PITRM1: variants seen among roughly 807,000 people sequenced by gnomAD.
PITRM1 encodes the protein pitrilysin metallopeptidase 1, also known as presequence protease, mitochondrial.
A neutral mutation model predicts 129.9 loss-of-function variants in PITRM1; 100 were observed. The observed-to-expected ratio is 0.77, with a 90% CI of 0.65 to 0.91. The LOEUF is 0.91. Among genes scored for constraint, PITRM1 ranks in the 40% least tolerant of loss-of-function variants. PITRM1 has a pLI of 0.00. For missense variants in PITRM1, 1,471 were observed against 1,318.3 expected (o/e 1.12, Z -1.79); for synonymous variants, 591 against 508.8 (o/e 1.16, Z -2.17).
chr10:3,144,325 G>T lies in PITRM1; in HGVS notation c.2499C>A (p.Pro833=). The change falls in exon 22 of 27, where the codon CCC becomes CCA. Residue 833 remains proline, a synonymous_variant. Coordinates refer to ENST00000224949, the MANE Select transcript of PITRM1 (RefSeq NM_014889.4). ...GCTTCCTAATGACCTGGGAGCCATG[G>T]GGAACGTGGGCATCTCCACCAGAGC... The part of the protein sequence containing the change: ...PSSSGGDAHV[P]HGSQVIRKLV... 1 of 1,562,914 alleles carries T rather than the reference G, an allele frequency of 6.4e-7. No homozygotes were observed. The highest frequency in any genetic ancestry group is 8.7e-7 in the Non-Finnish European group (1 of 1,152,352).
At chr10:3,164,442 G>C (rs186526578) in intron 6 of PITRM1, among the ~76,000 whole-genome samples, 4 of 152,268 alleles carry the variant, frequency 2.6e-5, no homozygotes, top group Non-Finnish European at 4.4e-5. Context: ...ATGGTCTCAA[G>C]AATCCTTTAC....
chr10:3,167,055 G>GAA lies in PITRM1; in HGVS notation c.160-15_160-14dup. ...GAACAGATGTCACCTGAGTTAACAA[G>GAA]AAAAACACGACCAGTTAAACTTAGA... On this transcript the variant is annotated splice_polypyrimidine_tract_variant and intron_variant, in intron 2 of 26. Transcript: ENST00000224949. The GAA allele has an allele frequency of 6.6e-7, 1 of 1,513,666 alleles. No individual in the cohort carries two copies. The highest frequency in any genetic ancestry group is 9.1e-7 in the Non-Finnish European group (1 of 1,102,752). 93.8% of individuals were successfully genotyped at this position (1,513,666 alleles called of 1,614,324 possible).
At chr10:3,150,212 G>A (rs1841371301) in intron 15 of PITRM1, among the ~76,000 whole-genome samples, 1 of 152,092 alleles carries the variant, frequency 6.6e-6, no homozygotes, top group Non-Finnish European at 1.5e-5. Flanking sequence ...TGACCTCAAG[G>A]GGAGGGCTGG....
intron 15 of PITRM1, among the ~76,000 whole-genome samples, chr10:3,150,617 G>C (rs1841425728): frequency 6.6e-6 from 1 of 152,126 alleles, no homozygotes; most frequent in Non-Finnish European, 1.5e-5. Context: ...TGTCGCAGGT[G>C]AGGTTACCCC....
intron 18 of PITRM1, 85 bp from the exon 19 acceptor site, chr10:3,147,822 A>G (rs1841061217): frequency 7.4e-7 from 1 of 1,342,534 alleles, no homozygotes; most frequent in Non-Finnish European, 1.0e-6. Context: ...AAGTTTTCAG[A>G]GTACTTTAAC....
In PITRM1 at chr10:3,148,209, C is replaced by A. The variant is rs759961600; in HGVS notation, c.1954G>T (p.Val652Leu). The A allele has an allele frequency of 6.2e-7, 1 of 1,613,968 alleles. No homozygotes were observed. The highest frequency in any genetic ancestry group is 1.1e-5 in the South Asian group (1 of 91,082). Reference sequence around the variant, plus strand: ...TCCATGTGTGAGTCGTCGGGGAGCACGTGGGGAGAAGCACTCATCCCTCCG... The same window carrying A: ...TCCATGTGTGAGTCGTCGGGGAGCAAGTGGGGAGAAGCACTCATCCCTCCG... ...KTGGMSASPH[V>L]LPDDSHMDTY... Residue 652 changes from valine to leucine, a missense_variant, in exon 17 of 27, where the codon GTG becomes TTG. Coordinates refer to ENST00000224949, the MANE Select transcript of PITRM1 (RefSeq NM_014889.4).
intron 24 of PITRM1, 61 bp from the exon 25 acceptor site, chr10:3,139,110 CCT>C (rs1839924292): frequency 4.8e-6 from 7 of 1,447,970 alleles, no homozygotes; most frequent in African/African-American, 1.4e-5. Context: ...TTATGACAAA[CCT>C]CTGTCGACTT....
intron 14 of PITRM1, among the ~76,000 whole-genome samples, chr10:3,153,855 AAAGT>A (rs369525481): frequency 1.3e-5 from 2 of 152,344 alleles, no homozygotes; most frequent in Admixed American, 6.5e-5. Flanking sequence ...TTTAATAGGA[AAAGT>A]AAGTGCATGT....
chr10:3,172,768 C>A lies in PITRM1; in HGVS notation c.5G>T (p.Trp2Leu). Residue 2 changes from tryptophan to leucine, a missense_variant, in exon 1 of 27, where the codon TGG (tryptophan) becomes TTG (leucine). Transcript: ENST00000224949. ...CAGGCCCTGCCGCCCGCCGCAGCGC[C>A]ACATTGCGCATGACGAGCACCTGGC... M[W>L]RCGGRQGLCV... 6.5e-7 allele frequency: 1 copy of A among 1,546,748 alleles called. No homozygotes were observed. Among genetic ancestry groups the A allele is most frequent in the Non-Finnish European group, 8.7e-7 (1 of 1,145,590 alleles).
rs75845189 is a variant in PITRM1 at position 3,152,299 on chromosome 10, G to A, written c.1622-936C>T. 3.5e-4 allele frequency among the ~76,000 whole-genome samples: 54 copies of A among 152,232 alleles called. 1 individual carries two copies. Among genetic ancestry groups the A allele is most frequent in the East Asian group, 3.9e-4 (2 of 5,164 alleles). ...TGAAGCGGCTTCACAGTGCTACACC[G>A]AGCCAAGCAAGTATACAAATGCATG... On this transcript the variant is annotated intron_variant, in intron 14 of 26. Transcript: ENST00000224949.
intron 2 of PITRM1, among the ~76,000 whole-genome samples, chr10:3,168,718 C>T (rs575401215): frequency 1.3e-5 from 2 of 152,188 alleles, no homozygotes; most frequent in Non-Finnish European, 1.5e-5. Flanking sequence ...CCTTCCACCA[C>T]GATTGTGTTT....
Position 3,165,242 on chromosome 10 carries a change from G to A in PITRM1, c.626C>T (p.Ala209Val), listed in dbSNP as rs144796240. The change falls in exon 6 of 27, where the codon GCG becomes GTG. Residue 209 changes from alanine to valine, a missense_variant. Ala to Val is a moderately conservative substitution (Grantham distance 64, BLOSUM62 0). Transcript: ENST00000224949. ...KGVVFNEMKG[A>V]FTDNERIFSQ... ...TAAAAAAGGAAGAAAACTTACAAACGCTCCCTTCATCTCATTAAAGACGAC... is the reference window on the plus strand; with the variant it reads ...TAAAAAAGGAAGAAAACTTACAAACACTCCCTTCATCTCATTAAAGACGAC... The A allele has an allele frequency of 4.9e-5, 77 of 1,557,158 alleles. No individual in the cohort carries two copies. Among genetic ancestry groups the A allele is most frequent in the Middle Eastern group, 1.7e-4 (1 of 5,910 alleles).
Position 3,163,790 on chromosome 10 carries a change from G to A in PITRM1, c.726C>T (p.Ile242=), listed in dbSNP as rs562294149. 37 of 1,613,496 alleles carry A rather than the reference G, an allele frequency of 2.3e-5. No homozygotes were observed. The African/African-American group carries it at 3.7e-4, about 16-fold the overall frequency. ...TAAGCTGCTCCCATGTAAGCTCCGG[G>A]ATGCACAGTGGGTCACCCCCGGAGA... ...SVVSGGDPLC[I]PELTWEQLKQ... Residue 242 remains isoleucine, a synonymous_variant, in exon 7 of 27, where the codon ATC becomes ATT. Transcript: ENST00000224949.
At position 3,165,452 on chromosome 10, in the gene PITRM1, T is replaced by A; in HGVS notation, c.494A>T (p.Asp165Val). The change falls in exon 5 of 27, where the codon GAT becomes GTT. Residue 165 changes from aspartate to valine, a missense_variant. Physicochemically the swap from Asp to Val is radical, Grantham distance 152. Coordinates refer to ENST00000224949, the MANE Select transcript of PITRM1 (RefSeq NM_014889.4). ...GCGTAAACATGGGAAAAAGGTGGCA[T>A]CCAAATACACCGAGAGGAGATTCTG... is the stretch of plus-strand genomic sequence containing the variant. ...DFQNLLSVYL[D>V]ATFFPCLREL... is the part of the protein sequence containing the mutation. 1 of 1,613,550 alleles carries A rather than the reference T, an allele frequency of 6.2e-7. No homozygotes were observed. Among genetic ancestry groups the A allele is most frequent in the South Asian group, 1.1e-5 (1 of 90,920 alleles).
chr10:3,160,540 A>G (rs1289408974), intron 7 of PITRM1, among the ~76,000 whole-genome samples: 1 of 152,040 alleles, frequency 6.6e-6, no homozygotes, highest in East Asian at 1.9e-4. Context: ...ATATTGTTAT[A>G]ATTGTTCTAT....
intron 20 of PITRM1, chr10:3,146,746 T>C (rs1840912403): frequency 6.3e-6 from 1 of 157,946 alleles, no homozygotes; most frequent in East Asian, 1.9e-4. Flanking sequence ...TGCTCACACA[T>C]CTGAGGGCAT....
intron 24 of PITRM1, among the ~76,000 whole-genome samples, chr10:3,139,979 C>A (rs186011552): frequency 6.6e-6 from 1 of 152,232 alleles, no homozygotes; most frequent in African/African-American, 2.4e-5. Flanking sequence ...GAGCTAAGAA[C>A]GCTCTCAGGC....
At chr10:3,146,880 C>T (rs1032504609) in intron 20 of PITRM1, 22 of 259,760 alleles carry the variant, frequency 8.5e-5, no homozygotes, top group Non-Finnish European at 1.5e-4. Flanking sequence ...ACCTCAGTTA[C>T]GGACCATGTG....
rs1438534575 is a variant in PITRM1 at position 3,160,297 on chromosome 10, C to T, written c.825G>A (p.Gln275=). 7 of 1,612,664 alleles carry T rather than the reference C, an allele frequency of 4.3e-6. No individual in the cohort carries two copies. The highest frequency in any genetic ancestry group is 2.7e-5 in the African/African-American group (2 of 74,888). The change falls in exon 8 of 27, where the codon CAG becomes CAA. Residue 275 remains glutamine, a synonymous_variant. Coordinates refer to ENST00000224949, the MANE Select transcript of PITRM1 (RefSeq NM_014889.4). The part of the protein sequence containing the change: ...FFTYGNFPLE[Q]HLKQIHEEAL... Reference sequence around the variant, plus strand: ...CTTCCTCGTGAATTTGTTTCAGATGCTGTTCTAATGGAAAATTACCGTACG... The same window carrying T: ...CTTCCTCGTGAATTTGTTTCAGATGTTGTTCTAATGGAAAATTACCGTACG...
Sources: gnomAD v4.1 joint callset for allele counts (sites outside exome capture counted in the v4.1 genomes callset) on GRCh38, gnomAD v4.1.1 for gene constraint, MANE v1.5 for transcripts, NCBI Gene and HGNC (gene_info 2026-07-23, HGNC 2026-07-21) for gene names.